ERC2: variants seen among roughly 807,000 people sequenced by gnomAD.
The protein encoded by ERC2 is ERC protein 2.
ERC2 carries 42 observed loss-of-function variants against 114.8 expected under a neutral mutation model. That is an observed-to-expected ratio of 0.37 (90% CI 0.29 to 0.47). The LOEUF (loss-of-function observed/expected upper bound fraction) is 0.47, where lower values mean the gene tolerates loss of function less well. Among genes scored for constraint, ERC2 ranks in the 20% least tolerant of loss-of-function variants. ERC2 has a pLI of 0.99. For synonymous variants in ERC2, 454 were observed against 425.5 expected, an observed-to-expected ratio of 1.07 and a Z score of -0.82; for missense variants, 939 against 1,150.7, an observed-to-expected ratio of 0.82 and a Z score of 2.66.
chr3:56,324,665 T>C (rs2057279165), intron 2 of ERC2, among the ~76,000 whole-genome samples: 1 of 152,066 alleles, frequency 6.6e-6, no homozygotes, highest in African/African-American at 2.4e-5. Flanking sequence ...CAATGGAAAC[T>C]GACAAACCAT....
intron 7 of ERC2, among the ~76,000 whole-genome samples, chr3:56,068,195 T>C (rs1412922786): frequency 6.6e-6 from 1 of 152,154 alleles, no homozygotes; most frequent in African/African-American, 2.4e-5. Flanking sequence ...GCGGGCTATT[T>C]ATTACTGCCT....
intron 15 of ERC2, among the ~76,000 whole-genome samples, chr3:55,718,599 C>G (rs970661663): frequency 6.6e-6 from 1 of 152,156 alleles, no homozygotes; most frequent in Non-Finnish European, 1.5e-5. Context: ...ATGTGGAATG[C>G]CTGACTTCCA....
intron 17 of ERC2, among the ~76,000 whole-genome samples, chr3:55,605,824 G>A (rs763158222): frequency 2.6e-5 from 4 of 152,180 alleles, no homozygotes; most frequent in Non-Finnish European, 5.9e-5. Context: ...GGTTCAAAGT[G>A]TACAACATTG....
chr3:55,966,446 G>A (rs1046639419), intron 12 of ERC2, among the ~76,000 whole-genome samples: 1 of 152,142 alleles, frequency 6.6e-6, no homozygotes, highest in African/African-American at 2.4e-5. Flanking sequence ...TCCAACTCAG[G>A]TGCCTAAGCA....
At chr3:56,394,256 T>A (rs1361389131) in intron 2 of ERC2, among the ~76,000 whole-genome samples, 1 of 152,230 alleles carries the variant, frequency 6.6e-6, no homozygotes, top group Non-Finnish European at 1.5e-5. Flanking sequence ...TCTCAAACTA[T>A]GGAGATGAAA....
intron 2 of ERC2, among the ~76,000 whole-genome samples, chr3:56,378,238 G>A (rs972753150): frequency 2.7e-5 from 4 of 149,684 alleles, no homozygotes; most frequent in African/African-American, 7.4e-5. Context: ...ATACTATGCA[G>A]CCATAAAAAA....
At chr3:56,382,792 C>A (rs769748626) in intron 2 of ERC2, among the ~76,000 whole-genome samples, 1 of 152,006 alleles carries the variant, frequency 6.6e-6, no homozygotes, top group African/African-American at 2.4e-5. Context: ...GCTAATCAGT[C>A]CCAAATTTAT....
At chr3:56,411,880 T>C (rs2060953805) in intron 2 of ERC2, among the ~76,000 whole-genome samples, 1 of 152,134 alleles carries the variant, frequency 6.6e-6, no homozygotes, top group African/African-American at 2.4e-5. Context: ...TTCTCCAAGA[T>C]CCCTGGTTGT....
chr3:55,656,740 G>A (rs1040019061), intron 17 of ERC2, among the ~76,000 whole-genome samples: 1 of 152,200 alleles, frequency 6.6e-6, no homozygotes, highest in Non-Finnish European at 1.5e-5. Context: ...GACTCCGAAG[G>A]CCAGCTGAAT....
chr3:55,971,799 T>A (rs1415636217), intron 12 of ERC2, among the ~76,000 whole-genome samples: 1 of 152,212 alleles, frequency 6.6e-6, no homozygotes, highest in Non-Finnish European at 1.5e-5. Context: ...TGTTGCCTCC[T>A]CATAGCCAAA....
chr3:55,986,681 C>T (rs778351469), intron 11 of ERC2, among the ~76,000 whole-genome samples: 11 of 151,856 alleles, frequency 7.2e-5, no homozygotes, highest in South Asian at 2.1e-4. Flanking sequence ...GTCAGAAATA[C>T]GAAGTTCCGA....
At chr3:55,907,707 G>C (rs1025537657) in intron 13 of ERC2, among the ~76,000 whole-genome samples, 1 of 152,192 alleles carries the variant, frequency 6.6e-6, no homozygotes, top group African/African-American at 2.4e-5. Context: ...CCACTTACCA[G>C]CTGTGTGACC....
intron 7 of ERC2, among the ~76,000 whole-genome samples, chr3:56,058,123 G>A (rs1260066529): frequency 1.3e-5 from 2 of 152,146 alleles, no homozygotes; most frequent in African/African-American, 2.4e-5. Flanking sequence ...ATAAACAGCT[G>A]TGCTCTGGTT....
intron 12 of ERC2, among the ~76,000 whole-genome samples, chr3:55,953,707 C>T (rs1191048777): frequency 6.6e-6 from 1 of 152,004 alleles, no homozygotes; most frequent in African/African-American, 2.4e-5. Flanking sequence ...ATAAGGGATA[C>T]AGGTAGAGGA....
intron 15 of ERC2, among the ~76,000 whole-genome samples, chr3:55,722,907 C>T (rs532451973): frequency 3.9e-5 from 6 of 152,230 alleles, no homozygotes; most frequent in Admixed American, 2.0e-4. Flanking sequence ...CTGTAGGAGA[C>T]GGCCATTTCT....
intron 6 of ERC2, among the ~76,000 whole-genome samples, chr3:56,125,925 C>T (rs577182072): frequency 3.2e-4 from 48 of 152,242 alleles, no homozygotes; most frequent in African/African-American, 1.2e-3. Context: ...AACTAATTTA[C>T]TTTTATTTCA....
intron 14 of ERC2, among the ~76,000 whole-genome samples, chr3:55,832,791 C>T (rs1334610662): frequency 6.6e-6 from 1 of 152,222 alleles, no homozygotes; most frequent in Non-Finnish European, 1.5e-5. Context: ...AAGAAGGCCT[C>T]AGACGATCAA....
intron 14 of ERC2, among the ~76,000 whole-genome samples, chr3:55,769,864 A>G (rs998678891): frequency 6.6e-6 from 1 of 152,204 alleles, no homozygotes; most frequent in Admixed American, 6.5e-5. Context: ...GGAGGGGGAT[A>G]TGGCAGAAGG....
chr3:56,000,041 A>G (rs1231772633), intron 10 of ERC2, among the ~76,000 whole-genome samples: 2 of 151,942 alleles, frequency 1.3e-5, no homozygotes, highest in African/African-American at 4.8e-5. Flanking sequence ...AAAACTGAAC[A>G]GATGCTTAGA....
Sources: gnomAD v4.1 joint callset for allele counts (sites outside exome capture counted in the v4.1 genomes callset) on GRCh38, gnomAD v4.1.1 for gene constraint, MANE v1.5 for transcripts, NCBI Gene and HGNC (gene_info 2026-07-23, HGNC 2026-07-21) for gene names.